The following TSPAN14 variants were observed in gnomAD, a reference collection of about 807,000 sequenced individuals.
The protein encoded by TSPAN14 is tetraspanin-14.
A neutral mutation model predicts 36.6 loss-of-function variants in TSPAN14; 16 were observed. The observed-to-expected ratio is 0.44, with a 90% CI of 0.30 to 0.66. The LOEUF (loss-of-function observed/expected upper bound fraction) is 0.66. TSPAN14 is among the 30% of genes least tolerant of loss of function. The probability of loss-of-function intolerance (pLI) is 0.12; values close to 1 mark genes in which losing one functional copy is unlikely to be tolerated. For synonymous variants in TSPAN14, 139 were observed against 143.8 expected (o/e 0.97, Z 0.24); for missense variants, 231 against 355.1 (o/e 0.65, Z 2.81).
intron 1 of TSPAN14, among the ~76,000 whole-genome samples, chr10:80,481,735 C>T (rs1847288726): frequency 1.3e-5 from 2 of 152,224 alleles, no homozygotes; most frequent in South Asian, 2.1e-4. Context: ...AAGCGATTCT[C>T]CTGCCTCTGC....
intron 2 of TSPAN14, among the ~76,000 whole-genome samples, chr10:80,490,486 G>A (rs191839991): frequency 6.6e-6 from 1 of 152,294 alleles, no homozygotes; most frequent in East Asian, 1.9e-4. Context: ...ATTGTGTATT[G>A]TAGAAGCCTT....
chr10:80,456,663 T>C (rs1845746616), intron 1 of TSPAN14, among the ~76,000 whole-genome samples: 1 of 152,286 alleles, frequency 6.6e-6, no homozygotes, highest in Non-Finnish European at 1.5e-5. Flanking sequence ...CTTTGCTGGC[T>C]TAAAATTTAG....
chr10:80,460,723 G>A (rs1845924247), intron 1 of TSPAN14, among the ~76,000 whole-genome samples: 1 of 152,032 alleles, frequency 6.6e-6, no homozygotes, highest in Non-Finnish European at 1.5e-5. Context: ...TTGGCCTGCT[G>A]GATTTCCCCT....
intron 2 of TSPAN14, among the ~76,000 whole-genome samples, chr10:80,504,142 C>T (rs1413326235): frequency 1.3e-5 from 2 of 152,192 alleles, no homozygotes; most frequent in East Asian, 1.9e-4. Flanking sequence ...GCCCCCTGCT[C>T]ATTGTAGTTA....
chr10:80,487,397 G>A (rs1847670347), intron 1 of TSPAN14, among the ~76,000 whole-genome samples: 2 of 152,138 alleles, frequency 1.3e-5, no homozygotes, highest in Admixed American at 1.3e-4. Context: ...CCTTGTGTTG[G>A]GGGCTGGGAT....
Position 80,507,217 on chromosome 10 carries a change from G to A in TSPAN14, c.133-11G>A, listed in dbSNP as rs1365946716. The A allele has an allele frequency of 6.2e-7, 1 of 1,614,184 alleles. No homozygotes were observed. Among genetic ancestry groups the A allele is most frequent in the South Asian group, 1.1e-5 (1 of 91,084 alleles). On this transcript the variant is annotated splice_polypyrimidine_tract_variant and intron_variant, in intron 3 of 8. Transcript: ENST00000429989. The stretch of plus-strand genomic sequence containing the variant: ...GGGCCAGTGCTGCCCTGCTTTCTCT[G>A]TCTCTTTCAGGGTGTGCTGTCCGAC...
intron 2 of TSPAN14, among the ~76,000 whole-genome samples, chr10:80,502,597 T>G (rs1848582215): frequency 6.6e-6 from 1 of 151,784 alleles, no homozygotes; most frequent in Non-Finnish European, 1.5e-5. Context: ...TTTTCTCTCT[T>G]ACACTTGCTG....
At chr10:80,458,022 AG>A (rs1475233424) in intron 1 of TSPAN14, among the ~76,000 whole-genome samples, 2 of 152,138 alleles carry the variant, frequency 1.3e-5, no homozygotes, top group Non-Finnish European at 2.9e-5. Context: ...GCCTATGGGA[AG>A]GGGATTAGGT....
At chr10:80,492,077 A>T (rs950869022) in intron 2 of TSPAN14, among the ~76,000 whole-genome samples, 2 of 152,156 alleles carry the variant, frequency 1.3e-5, no homozygotes, top group Non-Finnish European at 1.5e-5. Context: ...TGACCTGGCT[A>T]AGCCTCAGTG....
At chr10:80,480,837 G>A (rs1354178695) in intron 1 of TSPAN14, among the ~76,000 whole-genome samples, 2 of 152,124 alleles carry the variant, frequency 1.3e-5, no homozygotes, top group African/African-American at 2.4e-5. Context: ...GCTAAATGAC[G>A]AGTTAATGGG....
At chr10:80,498,912 G>A (rs1315088665) in intron 2 of TSPAN14, among the ~76,000 whole-genome samples, 6 of 152,168 alleles carry the variant, frequency 3.9e-5, no homozygotes, top group Non-Finnish European at 5.9e-5. Context: ...ACCCAGGGCC[G>A]GCTTTGTTCA....
In TSPAN14 at chr10:80,492,488, A is replaced by G. The variant is rs549843507; in HGVS notation, c.81+3174A>G. Among the ~76,000 whole-genome samples the G allele has an allele frequency of 7.9e-5, 12 of 152,286 alleles. No individual in the cohort carries two copies. The East Asian group carries it at 1.7e-3, about 22-fold the overall frequency. ...ACCAATCCTAGGTGTTGGGACAAAT[A>G]TGAGGTTTTATTTAGTAGTTTGCCC... On this transcript the variant is annotated intron_variant, in intron 2 of 8. Coordinates refer to ENST00000429989, the Ensembl canonical transcript of TSPAN14.
intron 2 of TSPAN14, among the ~76,000 whole-genome samples, chr10:80,499,200 G>A (rs549666655): frequency 1.3e-3 from 197 of 152,308 alleles, no homozygotes; most frequent in Non-Finnish European, 2.4e-3. Context: ...GGGCCTGGCC[G>A]GGTGTCACTT....
chr10:80,519,256 G>C (rs986143300), exon 9 of TSPAN14: 1 of 152,770 alleles, frequency 6.5e-6, no homozygotes, highest in African/African-American at 2.4e-5. Flanking sequence ...TGTTTCTGGT[G>C]ACCGCCCCTA....
intron 1 of TSPAN14, among the ~76,000 whole-genome samples, chr10:80,458,810 C>A (rs1305339983): frequency 6.6e-6 from 1 of 152,110 alleles, no homozygotes; most frequent in Non-Finnish European, 1.5e-5. Flanking sequence ...TTTGGTGGAG[C>A]GCAGGCCCTG....
intron 6 of TSPAN14, among the ~76,000 whole-genome samples, chr10:80,513,731 C>G (rs1235598614): frequency 6.6e-6 from 1 of 152,228 alleles, no homozygotes; most frequent in Non-Finnish European, 1.5e-5. Context: ...ATAAAGTTTT[C>G]TTGAAATACA....
At chr10:80,486,108 G>C (rs1847582018) in intron 1 of TSPAN14, among the ~76,000 whole-genome samples, 1 of 152,230 alleles carries the variant, frequency 6.6e-6, no homozygotes, top group African/African-American at 2.4e-5. Flanking sequence ...GGACGTGGCT[G>C]TGAGAGTCTC....
intron 1 of TSPAN14, among the ~76,000 whole-genome samples, chr10:80,474,516 C>T (rs760047485): frequency 2.5e-4 from 38 of 151,466 alleles, no homozygotes; most frequent in Non-Finnish European, 5.0e-4. Context: ...AGGAAAGCTC[C>T]TGAGTGTCTG....
intron 1 of TSPAN14, among the ~76,000 whole-genome samples, chr10:80,469,165 A>G (rs1846402577): frequency 7.1e-6 from 1 of 141,196 alleles, no homozygotes; most frequent in Non-Finnish European, 1.6e-5. Context: ...GGGGGTAGGG[A>G]TGGGGGGGTA....
Sources: allele counts gnomAD v4.1 joint callset (sites outside exome capture counted in the v4.1 genomes callset), GRCh38; gene constraint gnomAD v4.1.1; transcripts MANE v1.5; gene names NCBI Gene and HGNC (gene_info 2026-07-23, HGNC 2026-07-21).